The following PKHD1 variants were observed in gnomAD, a reference collection of about 807,000 sequenced individuals.
PKHD1 encodes the protein fibrocystin.
In PKHD1, 291 loss-of-function variants were observed where a neutral mutation model predicts 412.0. The ratio of observed to expected loss-of-function variants is 0.71; its 90% CI spans 0.64 to 0.78. The LOEUF (loss-of-function observed/expected upper bound fraction) is 0.78. PKHD1 is among the 30% of genes least tolerant of loss of function. The probability of loss-of-function intolerance (pLI) is 0.00; values close to 1 mark genes in which losing one functional copy is unlikely to be tolerated. For missense variants in PKHD1, 4,825 were observed against 4,950.7 expected (o/e 0.97, Z 0.76); for synonymous variants, 1,777 against 1,821.5 (o/e 0.98, Z 0.62).
rs146860699 is a variant in PKHD1, at chr6:51,882,291, A to G, written c.7350+802T>C. On this transcript the variant is annotated intron_variant, in intron 46 of 66. Transcript: ENST00000371117. The stretch of plus-strand genomic sequence containing the variant: ...GGCACTTATTTATCTCCTGAAAAGT[A>G]TAGTTCAAAGGAGATTTTACTAAGA... Among the ~76,000 whole-genome samples the G allele has an allele frequency of 2.4e-3, 373 of 152,356 alleles. 3 individuals carry two copies. The highest frequency in any genetic ancestry group is 8.0e-3 in the African/African-American group (333 of 41,584).
At position 51,617,185 on chromosome 6, in the gene PKHD1, TCAAAAGCCTTCAC is replaced by T; in HGVS notation, c.*1883_*1895del. On this transcript the variant is annotated 3_prime_UTR_variant, in exon 67 of 67. Coordinates refer to ENST00000371117, the MANE Select transcript of PKHD1 (RefSeq NM_138694.4). Reference sequence around the variant, plus strand: ...TAAGACTGCTACCATTTTATAAACCTCAAAAGCCTTCACTTCTGAAATGTTTTTTTCCAAAAAG... The same window carrying T: ...TAAGACTGCTACCATTTTATAAACCTTTCTGAAATGTTTTTTTCCAAAAAG... The T allele has an allele frequency of 1.3e-5, 2 of 152,536 alleles. No homozygotes were observed. The highest frequency in any genetic ancestry group is 4.8e-5 in the African/African-American group (2 of 41,460). 9.4% of individuals were successfully genotyped at this position (152,536 alleles called of 1,614,324 possible).
At chr6:51,908,680 A>C (rs1391912966) in intron 40 of PKHD1, among the ~76,000 whole-genome samples, 1 of 151,958 alleles carries the variant, frequency 6.6e-6, no homozygotes, top group Non-Finnish European at 1.5e-5. Flanking sequence ...AGTTGTTCTC[A>C]CCTGAATTTG....
chr6:51,931,007 T>G (rs1786486849), intron 37 of PKHD1, among the ~76,000 whole-genome samples: 1 of 152,220 alleles, frequency 6.6e-6, no homozygotes, highest in South Asian at 2.1e-4. Flanking sequence ...CCCAACACTC[T>G]GGAACACTTC....
chr6:52,067,884 T>C (rs922403240), intron 11 of PKHD1, among the ~76,000 whole-genome samples: 30 of 152,192 alleles, frequency 2.0e-4, no homozygotes, highest in Admixed American at 1.6e-3. Context: ...GCATCAGATA[T>C]ATGCTTGATG....
At chr6:51,699,773 G>A (rs1779204970) in intron 60 of PKHD1, among the ~76,000 whole-genome samples, 1 of 152,056 alleles carries the variant, frequency 6.6e-6, no homozygotes, top group African/African-American at 2.4e-5. Context: ...TTTTGTATCT[G>A]TGCTAACTAT....
At position 51,906,315 on chromosome 6, in the gene PKHD1, C is replaced by T. The variant is rs781493877; in HGVS notation, c.6708G>A (p.Val2236=). ...MRESFIQGCT[V]RNSFSRGLSM... The stretch of plus-strand genomic sequence containing the variant: ...TGAGGCCTCTACTGAAGGAGTTCCT[C>T]ACTGTGCAGCCCTGTATGAAAGACT... Residue 2236 remains valine, a synonymous_variant, in exon 41 of 67, where the codon GTG becomes GTA. Coordinates refer to ENST00000371117, the MANE Select transcript of PKHD1 (RefSeq NM_138694.4). 6.2e-7 allele frequency: 1 copy of T among 1,610,726 alleles called. No individual in the cohort carries two copies. Among genetic ancestry groups the T allele is most frequent in the African/African-American group, 1.3e-5 (1 of 74,908 alleles).
intron 49 of PKHD1, among the ~76,000 whole-genome samples, chr6:51,855,641 G>A (rs558502922): frequency 2.6e-5 from 4 of 152,212 alleles, no homozygotes; most frequent in South Asian, 4.1e-4. Flanking sequence ...ATTTTCAGGC[G>A]TAACCATTCT....
chr6:52,081,099 C>A (rs961584933), intron 4 of PKHD1, among the ~76,000 whole-genome samples: 3 of 151,970 alleles, frequency 2.0e-5, no homozygotes, highest in Non-Finnish European at 2.9e-5. Flanking sequence ...ATTTGTCTTC[C>A]AATCAATTAG....
rs1783147287 is a variant in PKHD1, at chr6:51,912,673, G to A, written c.6122-97C>T. ...ATAAATGTGATGTTATTTAGCCAAAGAATCCCATAAAATAAGACCTGGAAA... is the reference window on the plus strand; with the variant it reads ...ATAAATGTGATGTTATTTAGCCAAAAAATCCCATAAAATAAGACCTGGAAA... On this transcript the variant is annotated intron_variant, in intron 37 of 66. Coordinates refer to ENST00000371117, the MANE Select transcript of PKHD1 (RefSeq NM_138694.4). 26 of 879,314 alleles carry A rather than the reference G, an allele frequency of 3.0e-5. No individual in the cohort carries two copies. In the South Asian group the frequency reaches 3.6e-4, roughly 12 times the overall value. The allele number at this position is 879,314 out of a possible 1,614,324, so 54.5% of individuals were successfully genotyped here.
intron 6 of PKHD1, among the ~76,000 whole-genome samples, chr6:52,075,956 A>G (rs561340033): frequency 1.3e-5 from 2 of 152,322 alleles, no homozygotes; most frequent in East Asian, 1.9e-4. Context: ...AAGGTTTATT[A>G]TTATGGGAAT....
Position 51,960,101 on chromosome 6 carries a change from G to A in PKHD1, c.5752-75C>T, listed in dbSNP as rs1791788024. ...CTGTTGCTTCGTTGGTTGGTTCGCTGGTTTGTTGGTTTGTTGGTTCATTCA... is the reference window on the plus strand; with the variant it reads ...CTGTTGCTTCGTTGGTTGGTTCGCTAGTTTGTTGGTTTGTTGGTTCATTCA... On this transcript the variant is annotated intron_variant, in intron 35 of 66. Transcript: ENST00000371117. 2.3e-6 allele frequency: 3 copies of A among 1,306,990 alleles called. No individual in the cohort carries two copies. The African/African-American group carries it at 4.4e-5, about 19-fold the overall frequency. 81.0% of individuals were successfully genotyped at this position (1,306,990 alleles called of 1,614,324 possible). A position where few individuals can be genotyped will look rare whatever the true frequency, so the allele number is the denominator to read the frequency against.
intron 60 of PKHD1, among the ~76,000 whole-genome samples, chr6:51,741,869 T>G (rs1342292057): frequency 6.6e-6 from 1 of 152,180 alleles, no homozygotes; most frequent in East Asian, 1.9e-4. Flanking sequence ...AAATATAATT[T>G]TCATCAAATA....
rs547420174 is a variant in PKHD1 at position 51,627,028 on chromosome 6, C to A, written c.11754G>T (p.Gly3918=). The part of the protein sequence containing the change: ...HISSKRRESQ[G]PKKEDTVVGE... Reference sequence around the variant, plus strand: ...CCACCACAGTGTCTTCTTTTTTGGGCCCTTGTGATTCTCGGCGTTTGGATG... The same window carrying A: ...CCACCACAGTGTCTTCTTTTTTGGGACCTTGTGATTCTCGGCGTTTGGATG... Residue 3918 remains glycine, a synonymous_variant, in exon 66 of 67, where the codon GGG becomes GGT. Coordinates refer to ENST00000371117, the MANE Select transcript of PKHD1 (RefSeq NM_138694.4). The A allele has an allele frequency of 5.6e-6, 9 of 1,613,356 alleles. No individual in the cohort carries two copies. The East Asian group carries it at 2.0e-4, about 36-fold the overall frequency.
At chr6:51,728,110 T>C (rs1024654537) in intron 60 of PKHD1, among the ~76,000 whole-genome samples, 2 of 152,234 alleles carry the variant, frequency 1.3e-5, no homozygotes, top group African/African-American at 4.8e-5. Flanking sequence ...TATCTGGTCA[T>C]ATATTTCCTT....
chr6:51,963,345 T>C (rs1013126857), intron 35 of PKHD1, among the ~76,000 whole-genome samples: 7 of 152,120 alleles, frequency 4.6e-5, no homozygotes, highest in African/African-American at 1.7e-4. Flanking sequence ...AGCATTCAGT[T>C]TCAAGAGACC....
chr6:52,055,693 C>G lies in PKHD1; in HGVS notation c.1730G>C (p.Ser577Thr). 6.2e-7 allele frequency: 1 copy of G among 1,613,950 alleles called. No homozygotes were observed. Among genetic ancestry groups the G allele is most frequent in the Non-Finnish European group, 8.5e-7 (1 of 1,179,830 alleles). ...CCTGCCACAGAAGGGCTCCGTCCCA[C>G]TGGTGAGGTCCCCATCAGAGTTGGA... is the stretch of plus-strand genomic sequence containing the variant. The part of the protein sequence containing the change: ...EVSNSDGDLT[S>T]GTEPFCGRFS... The change falls in exon 19 of 67, where the codon AGT (serine) becomes ACT (threonine). Residue 577 changes from serine to threonine, a missense_variant. Transcript: ENST00000371117.
At chr6:51,633,169 C>T (rs1368560455) in intron 64 of PKHD1, among the ~76,000 whole-genome samples, 1 of 152,108 alleles carries the variant, frequency 6.6e-6, no homozygotes, top group Admixed American at 6.6e-5. Flanking sequence ...TGCTGCAGCA[C>T]CATATTGTCT....
chr6:51,869,780 C>T (rs546870593), intron 47 of PKHD1, among the ~76,000 whole-genome samples: 15 of 124,356 alleles, frequency 1.2e-4, no homozygotes, highest in African/African-American at 4.5e-4. Context: ...ATTCTGCCTA[C>T]ATAGGAAAAA....
chr6:51,668,545 C>T (rs949392247), intron 60 of PKHD1, among the ~76,000 whole-genome samples: 3 of 152,136 alleles, frequency 2.0e-5, no homozygotes, highest in African/African-American at 4.8e-5. Context: ...ATTTCCTTCT[C>T]CTGCCTGATT....
Sources: gnomAD v4.1 joint callset for allele counts (sites outside exome capture counted in the v4.1 genomes callset) on GRCh38, gnomAD v4.1.1 for gene constraint, MANE v1.5 for transcripts, NCBI Gene and HGNC (gene_info 2026-07-23, HGNC 2026-07-21) for gene names.